MYO6: variants seen among roughly 807,000 people sequenced by gnomAD.
MYO6 encodes unconventional myosin-VI.
In MYO6, 74 loss-of-function variants were observed where a neutral mutation model predicts 178.7. That is an observed-to-expected ratio of 0.41 (90% CI 0.34 to 0.50). The LOEUF (loss-of-function observed/expected upper bound fraction) is 0.50. MYO6 is among the 20% of genes least tolerant of loss of function. The pLI, the probability that MYO6 is intolerant of heterozygous loss-of-function variation, is 0.09. For missense variants in MYO6, 1,330 were observed against 1,547.4 expected, an observed-to-expected ratio of 0.86 and a Z score of 2.36; for synonymous variants, 477 against 504.6, an observed-to-expected ratio of 0.95 and a Z score of 0.73.
intron 1 of MYO6, among the ~76,000 whole-genome samples, chr6:75,760,073 A>G (rs573608445): frequency 6.6e-6 from 1 of 152,244 alleles, no homozygotes; most frequent in East Asian, 1.9e-4. Flanking sequence ...ATTTTTTTTG[A>G]CAGCAAGAGC....
chr6:75,818,040 A>G (rs534320006), intron 2 of MYO6, among the ~76,000 whole-genome samples: 11 of 152,354 alleles, frequency 7.2e-5, no homozygotes, highest in Admixed American at 7.2e-4. Context: ...TCGACATGTC[A>G]CAAAGTAAAA....
intron 1 of MYO6, among the ~76,000 whole-genome samples, chr6:75,791,586 A>T (rs1428142135): frequency 6.6e-6 from 1 of 152,232 alleles, no homozygotes; most frequent in Non-Finnish European, 1.5e-5. Context: ...TCTTAAGTTT[A>T]TTCCATTAGT....
intron 1 of MYO6, among the ~76,000 whole-genome samples, chr6:75,769,372 T>G (rs1236728907): frequency 2.0e-5 from 3 of 152,312 alleles, no homozygotes; most frequent in African/African-American, 7.2e-5. Flanking sequence ...AACAAGTTAT[T>G]TACTTCCAAG....
In MYO6 at chr6:75,892,514, T is replaced by G. The variant is rs1778977198; in HGVS notation, c.2947-16T>G. The G allele has an allele frequency of 1.2e-6, 2 of 1,613,868 alleles. No homozygotes were observed. The highest frequency in any genetic ancestry group is 2.2e-5 in the South Asian group (2 of 91,068). On this transcript the variant is annotated splice_polypyrimidine_tract_variant and intron_variant, in intron 27 of 34. Transcript: ENST00000369977. ...AGTGAAGAACTCTTGGTGAAATAGC[T>G]TTCTGCCCTTGTCAGGCTGAAGTGG...
chr6:75,789,762 CTT>C (rs1250067191), intron 1 of MYO6, among the ~76,000 whole-genome samples: 1 of 152,132 alleles, frequency 6.6e-6, no homozygotes, highest in Non-Finnish European at 1.5e-5. Flanking sequence ...TTCAAAGTCT[CTT>C]TTAGCTATCT....
At chr6:75,853,479 G>T (rs1775459531) in intron 11 of MYO6, among the ~76,000 whole-genome samples, 1 of 152,100 alleles carries the variant, frequency 6.6e-6, no homozygotes. Flanking sequence ...TTACATTTAA[G>T]TCTTTGATTC....
Position 75,840,589 on chromosome 6 carries a change from C to T in MYO6, c.558C>T (p.Asn186=). 6.2e-7 allele frequency: 1 copy of T among 1,612,748 alleles called. No homozygotes were observed. Among genetic ancestry groups the T allele is most frequent in the Non-Finnish European group, 8.5e-7 (1 of 1,178,898 alleles). Residue 186 remains asparagine, a synonymous_variant, in exon 8 of 35, where the codon AAC becomes AAT. Transcript: ENST00000369977. ...GATTTTTTTGTTTCTCAATAGCTAA[C>T]CCACTCCTAGAAGCCTTTGGAAATG... ...QDIDDRIVEA[N]PLLEAFGNAK... is the part of the protein sequence containing the mutation.
chr6:75,794,754 AAAAAAAT>A lies in MYO6; in HGVS notation c.-47-22742_-47-22736del, dbSNP rs1465111297. 7.9e-3 allele frequency among the ~76,000 whole-genome samples: 1,162 copies of A among 147,780 alleles called. 23 individuals carry two copies. In the East Asian group the frequency reaches 0.096, roughly 12 times the overall value. ...AGCAAAAAAAATAAAAAAAATAAAAAAAAAAATAAAATGTGCTCTTTTATCACCTAAT... is the reference window on the plus strand; with the variant it reads ...AGCAAAAAAAATAAAAAAAATAAAAAAAAATGTGCTCTTTTATCACCTAAT... On this transcript the variant is annotated intron_variant, in intron 1 of 34. Coordinates refer to ENST00000369977, the MANE Select transcript of MYO6 (RefSeq NM_004999.4).
chr6:75,881,709 C>T lies in MYO6; in HGVS notation c.2307C>T (p.Ile769=). 1.2e-6 allele frequency: 2 copies of T among 1,613,798 alleles called. No individual in the cohort carries two copies. The highest frequency in any genetic ancestry group is 1.7e-6 in the Non-Finnish European group (2 of 1,179,776). Residue 769 remains isoleucine (I), a synonymous_variant, in exon 23 of 35, where the codon ATC becomes ATT. Transcript: ENST00000369977. ...RPGKFAEFDQ[I]MKSDPDHLAE... is the part of the protein sequence containing the mutation. ...CCTAGTTTGCAGAATTTGATCAGAT[C>T]ATGAAGTCTGACCCTGACCACTTAG...
intron 1 of MYO6, among the ~76,000 whole-genome samples, chr6:75,761,201 T>TAATA (rs1777914782): frequency 6.6e-6 from 1 of 152,206 alleles, no homozygotes; most frequent in Admixed American, 6.5e-5. Context: ...TGGCTTGTAT[T>TAATA]GGCCACTGAG....
chr6:75,792,179 G>T (rs907418408), intron 1 of MYO6, among the ~76,000 whole-genome samples: 9 of 152,162 alleles, frequency 5.9e-5, no homozygotes, highest in Non-Finnish European at 1.3e-4. Context: ...CCGAAAAATT[G>T]GTTCATCAGT....
chr6:75,843,184 A>T (rs1415358339), intron 9 of MYO6, among the ~76,000 whole-genome samples: 1 of 152,186 alleles, frequency 6.6e-6, no homozygotes, highest in African/African-American at 2.4e-5. Context: ...TCTGGTTATA[A>T]TTGAGAGATC....
At chr6:75,800,187 G>A (rs1367652619) in intron 1 of MYO6, among the ~76,000 whole-genome samples, 2 of 152,062 alleles carry the variant, frequency 1.3e-5, no homozygotes, top group Non-Finnish European at 2.9e-5. Flanking sequence ...AAACAGTCCC[G>A]TAATAAGAGT....
chr6:75,881,909 C>A, intron 23 of MYO6, 91 bp downstream of exon 23: 1 of 1,463,502 alleles, frequency 6.8e-7, no homozygotes, highest in Non-Finnish European at 9.5e-7. Context: ...TGATGCTGAG[C>A]AACAGAGACT....
chr6:75,832,963 A>C lies in MYO6; in HGVS notation c.497+16A>C. On this transcript the variant is annotated intron_variant, in intron 6 of 34. Coordinates refer to ENST00000369977, the MANE Select transcript of MYO6 (RefSeq NM_004999.4). ...TTGTTCTAAGGTGAGTATTCAGCTAACTTGAAGTATTTGAGTAGGTTGATC... is the reference window on the plus strand; with the variant it reads ...TTGTTCTAAGGTGAGTATTCAGCTACCTTGAAGTATTTGAGTAGGTTGATC... 6.5e-7 allele frequency: 1 copy of C among 1,545,874 alleles called. No homozygotes were observed. The highest frequency in any genetic ancestry group is 8.9e-7 in the Non-Finnish European group (1 of 1,118,052).
At position 75,915,851 on chromosome 6, in the gene MYO6, T is replaced by G. The variant is rs890933732; in HGVS notation, c.*839T>G. ...GACTGAATTCAAATATTCTTTCAAC[T>G]TCATCTCAATAGTGATTTTTGTATC... is the stretch of plus-strand genomic sequence containing the variant. On this transcript the variant is annotated 3_prime_UTR_variant, in exon 35 of 35. Transcript: ENST00000369977. The G allele has an allele frequency of 6.6e-6, 1 of 152,664 alleles. No homozygotes were observed. The highest frequency in any genetic ancestry group is 2.4e-5 in the African/African-American group (1 of 41,472). The allele number at this position is 152,664 out of a possible 1,614,324, so 9.5% of individuals were successfully genotyped here. A position where few individuals can be genotyped will look rare whatever the true frequency, so the allele number is the denominator to read the frequency against.
intron 30 of MYO6, among the ~76,000 whole-genome samples, chr6:75,900,474 C>T (rs1040502954): frequency 6.6e-6 from 1 of 152,202 alleles, no homozygotes; most frequent in Non-Finnish European, 1.5e-5. Flanking sequence ...ATTTGCATTT[C>T]TCTGATGGCC....
At position 75,886,863 on chromosome 6, in the gene MYO6, G is replaced by T; in HGVS notation, c.2527G>T (p.Val843Leu). Reference sequence around the variant, plus strand: ...TTACAGCATTGATGGTCTGGTTAAGGTGGGCACACTGAAAAAACGACTTGA... The same window carrying T: ...TTACAGCATTGATGGTCTGGTTAAGTTGGGCACACTGAAAAAACGACTTGA... Reference protein sequence around the residue: ...HKPRIDGLVKVGTLKKRLDKF... With the variant: ...HKPRIDGLVKLGTLKKRLDKF... Residue 843 changes from valine to leucine, a missense_variant, in exon 25 of 35, where the codon GTG becomes TTG. By Grantham distance (32) the Val-to-Leu change is conservative. Coordinates refer to ENST00000369977, the MANE Select transcript of MYO6 (RefSeq NM_004999.4). 6.2e-7 allele frequency: 1 copy of T among 1,613,772 alleles called. No individual in the cohort carries two copies. The highest frequency in any genetic ancestry group is 1.7e-4 in the Middle Eastern group (1 of 6,054).
chr6:75,846,584 T>C (rs974334625), intron 10 of MYO6, among the ~76,000 whole-genome samples: 1 of 152,194 alleles, frequency 6.6e-6, no homozygotes, highest in Non-Finnish European at 1.5e-5. Flanking sequence ...TGGTTGGTAC[T>C]TTTAAGAAGC....
Sources: allele counts gnomAD v4.1 joint callset (sites outside exome capture counted in the v4.1 genomes callset), GRCh38; gene constraint gnomAD v4.1.1; transcripts MANE v1.5; gene names NCBI Gene and HGNC (gene_info 2026-07-23, HGNC 2026-07-21).